LTBP1: variants seen among roughly 807,000 people sequenced by gnomAD.
The protein encoded by LTBP1 is latent-transforming growth factor beta-binding protein 1.
LTBP1 carries 129 observed loss-of-function variants against 207.6 expected under a neutral mutation model. The observed-to-expected ratio is 0.62, with a 90% CI of 0.54 to 0.72. The LOEUF (loss-of-function observed/expected upper bound fraction) is 0.72. LTBP1 is among the 30% of genes least tolerant of loss of function. The pLI is 0.00. For synonymous variants in LTBP1, 963 were observed against 833.7 expected (o/e 1.16, Z -2.67); for missense variants, 2,281 against 2,217.2 (o/e 1.03, Z -0.58).
chr2:33,300,038 A>G (rs1388687770), intron 20 of LTBP1, among the ~76,000 whole-genome samples: 3 of 152,016 alleles, frequency 2.0e-5, no homozygotes, highest in Admixed American at 1.3e-4. Flanking sequence ...ATAACTGCCT[A>G]TGTTTTTGGT....
At chr2:33,366,326 A>G (rs2094987192) in intron 31 of LTBP1, among the ~76,000 whole-genome samples, 1 of 152,238 alleles carries the variant, frequency 6.6e-6, no homozygotes, top group Non-Finnish European at 1.5e-5. Context: ...GTTTATTATG[A>G]ATATATTCTC....
intron 7 of LTBP1, among the ~76,000 whole-genome samples, chr2:33,199,000 G>A (rs1331121788): frequency 4.6e-5 from 7 of 151,828 alleles, no homozygotes; most frequent in African/African-American, 9.7e-5. Flanking sequence ...TAGGGTGTCA[G>A]TTTTGGATCT....
chr2:33,091,807 T>A (rs2079110209), intron 3 of LTBP1, among the ~76,000 whole-genome samples: 2 of 152,210 alleles, frequency 1.3e-5, no homozygotes, highest in African/African-American at 4.8e-5. Context: ...TTTCATAATC[T>A]GCCTCCTGAG....
intron 31 of LTBP1, among the ~76,000 whole-genome samples, chr2:33,366,918 TG>T (rs1174701236): frequency 2.0e-5 from 3 of 152,184 alleles, no homozygotes; most frequent in African/African-American, 7.2e-5. Flanking sequence ...GGTTTTATAT[TG>T]TCTAATTTTT....
chr2:33,293,762 A>G (rs994337093), intron 20 of LTBP1, among the ~76,000 whole-genome samples: 3 of 152,126 alleles, frequency 2.0e-5, no homozygotes, highest in African/African-American at 7.2e-5. Context: ...TATTTCGTGG[A>G]TATTGTATAT....
intron 12 of LTBP1, 67 bp downstream of exon 12, chr2:33,257,578 T>A: frequency 7.5e-7 from 1 of 1,333,282 alleles, no homozygotes; most frequent in Admixed American, 1.9e-5. Context: ...ATTTCCCTGT[T>A]TATAACCCTC....
chr2:33,040,425 T>C (rs930124225), intron 3 of LTBP1, among the ~76,000 whole-genome samples: 7 of 152,346 alleles, frequency 4.6e-5, no homozygotes, highest in African/African-American at 1.7e-4. Flanking sequence ...AGAATAATAT[T>C]TCTTTGTAAT....
At chr2:33,364,403 G>A (rs1467714201) in intron 30 of LTBP1, 47 bp downstream of exon 30, 3 of 1,555,814 alleles carry the variant, frequency 1.9e-6, no homozygotes, top group Non-Finnish European at 2.6e-6. Context: ...ACTATCATAA[G>A]ATTTTCCTTT....
chr2:33,352,320 C>T (rs1004198927), intron 26 of LTBP1, among the ~76,000 whole-genome samples: 93 of 152,036 alleles, frequency 6.1e-4, no homozygotes, highest in African/African-American at 2.0e-3. Context: ...TTAGTAGAGA[C>T]GGGATTTCAC....
chr2:33,241,894 C>T (rs191342598), intron 9 of LTBP1, among the ~76,000 whole-genome samples: 30 of 152,262 alleles, frequency 2.0e-4, no homozygotes, highest in African/African-American at 6.0e-4. Context: ...ACATGCTGTA[C>T]ATAAAAGTGC....
At chr2:33,146,820 G>A (rs1346617960) in intron 5 of LTBP1, among the ~76,000 whole-genome samples, 2 of 152,142 alleles carry the variant, frequency 1.3e-5, no homozygotes, top group East Asian at 1.9e-4. Context: ...GGGAAAGTTC[G>A]CCCCCATGAT....
intron 3 of LTBP1, among the ~76,000 whole-genome samples, chr2:33,086,177 G>A (rs571409074): frequency 5.9e-5 from 9 of 152,224 alleles, no homozygotes; most frequent in Non-Finnish European, 8.8e-5. Flanking sequence ...GTCATGGGAC[G>A]CAACTGCTTG....
chr2:33,293,298 A>AC lies in LTBP1; in HGVS notation c.3235+16_3235+17insC. ...CACTGTAGAGGTAAATACTGTGATC[A>AC]AGTTTCCCATTTTTATTTAAACTTC... is the stretch of plus-strand genomic sequence containing the variant. On this transcript the variant is annotated intron_variant, in intron 20 of 33. Transcript: ENST00000404816. The AC allele has an allele frequency of 1.9e-6, 3 of 1,578,068 alleles. No individual in the cohort carries two copies. The African/African-American group carries it at 4.1e-5, about 22-fold the overall frequency.
chr2:33,167,691 G>A (rs372574516), intron 5 of LTBP1, among the ~76,000 whole-genome samples: 3 of 152,222 alleles, frequency 2.0e-5, no homozygotes, highest in African/African-American at 7.2e-5. Flanking sequence ...AGGTTGGGAT[G>A]AAGAGGAAAG....
chr2:33,205,774 A>G (rs1164976014), intron 7 of LTBP1, among the ~76,000 whole-genome samples: 1 of 152,218 alleles, frequency 6.6e-6, no homozygotes, highest in Non-Finnish European at 1.5e-5. Context: ...ATTTGGAGAC[A>G]GAGCCTAAAA....
intron 2 of LTBP1, among the ~76,000 whole-genome samples, chr2:32,956,440 G>A (rs1010278968): frequency 6.6e-6 from 1 of 152,194 alleles, no homozygotes; most frequent in Non-Finnish European, 1.5e-5. Context: ...TCCATCTCAA[G>A]AAACCACCTT....
chr2:33,020,906 C>T lies in LTBP1; in HGVS notation c.566-3C>T, dbSNP rs768984290. 4 of 1,565,202 alleles carry T rather than the reference C, an allele frequency of 2.6e-6. No individual in the cohort carries two copies. Among genetic ancestry groups the T allele is most frequent in the African/African-American group, 2.7e-5 (2 of 73,776 alleles). On this transcript the variant is annotated splice_region_variant and splice_polypyrimidine_tract_variant and intron_variant, in intron 2 of 33. Coordinates refer to ENST00000404816, the MANE Select transcript of LTBP1 (RefSeq NM_206943.4). ...AGCTGTGCCTTCTGTTTTCTTTCTG[C>T]AGCTAGCTGTGTTCCGCCATGTCAG...
rs186217736 is a variant in LTBP1 at position 33,063,460 on chromosome 2, G to A, written c.863+42254G>A. ...GTAAACATTAATGGTATTTGCAAAAGTGTAAAACAATGCAAAGCTTAATAC... is the reference window on the plus strand; with the variant it reads ...GTAAACATTAATGGTATTTGCAAAAATGTAAAACAATGCAAAGCTTAATAC... On this transcript the variant is annotated intron_variant, in intron 3 of 33. Transcript: ENST00000404816. Among the ~76,000 whole-genome samples, 165 of 152,256 alleles carry A rather than the reference G, an allele frequency of 1.1e-3. 1 individual carries two copies. The highest frequency in any genetic ancestry group is 3.7e-3 in the Admixed American group (56 of 15,294).
chr2:32,952,945 G>C (rs539586016), intron 2 of LTBP1, among the ~76,000 whole-genome samples: 1 of 152,202 alleles, frequency 6.6e-6, no homozygotes, highest in African/African-American at 2.4e-5. Context: ...TTCATTTACT[G>C]TTTAGCTTTT....
Sources: allele counts gnomAD v4.1 joint callset (sites outside exome capture counted in the v4.1 genomes callset), GRCh38; gene constraint gnomAD v4.1.1; transcripts MANE v1.5; gene names NCBI Gene and HGNC (gene_info 2026-07-23, HGNC 2026-07-21).